ESR1: variants seen among roughly 807,000 people sequenced by gnomAD.
The protein encoded by ESR1 is estrogen receptor 1, also known as estrogen receptor.
Under a neutral mutation model 52.7 loss-of-function variants are expected in ESR1, and 12 were observed. The observed-to-expected ratio is 0.23, with a 90% CI of 0.15 to 0.37. ESR1 has a LOEUF of 0.37. Among genes scored for constraint, ESR1 ranks in the 10% least tolerant of loss-of-function variants. ESR1 has a pLI of 1.00. For synonymous variants in ESR1, 305 were observed against 316.8 expected (o/e 0.96, Z 0.39); for missense variants, 584 against 779.7 (o/e 0.75, Z 2.99).
chr6:151,862,262 A>G (rs1052086142), intron 2 of ESR1, among the ~76,000 whole-genome samples: 1 of 152,192 alleles, frequency 6.6e-6, no homozygotes, highest in African/African-American at 2.4e-5. Flanking sequence ...CCTGACTCTT[A>G]ACCATTGTGT....
downstream of ESR1, among the ~76,000 whole-genome samples, chr6:152,104,446 T>C (rs1344378041): frequency 6.6e-6 from 1 of 152,242 alleles, no homozygotes; most frequent in Non-Finnish European, 1.5e-5. Flanking sequence ...TAGCTATTTT[T>C]ATCACAATTA....
intron 2 of ESR1, among the ~76,000 whole-genome samples, chr6:151,846,020 T>C (rs950562658): frequency 2.6e-5 from 4 of 152,116 alleles, no homozygotes; most frequent in Non-Finnish European, 4.4e-5. Flanking sequence ...GTGAAGGCAG[T>C]GTCTTATAGG....
chr6:152,109,411 AT>A (rs1417925268), intron 6 of ESR1, among the ~76,000 whole-genome samples: 9 of 152,076 alleles, frequency 5.9e-5, no homozygotes, highest in African/African-American at 2.2e-4. Flanking sequence ...TACACCTGTA[AT>A]CCCAGCACTT....
intron 3 of ESR1, among the ~76,000 whole-genome samples, chr6:151,903,465 A>G (rs746765139): frequency 1.3e-5 from 2 of 152,218 alleles, no homozygotes; most frequent in Non-Finnish European, 2.9e-5. Context: ...TGGTTTGAAC[A>G]TATACTTTGG....
chr6:151,694,702 G>A (rs1201484753), intron 1 of ESR1, among the ~76,000 whole-genome samples: 5 of 151,742 alleles, frequency 3.3e-5, no homozygotes, highest in African/African-American at 7.3e-5. Flanking sequence ...CTGGAGAATC[G>A]CTTGAACCCG....
intron 5 of ESR1, among the ~76,000 whole-genome samples, chr6:152,059,370 A>T (rs1370971280): frequency 6.6e-6 from 1 of 151,966 alleles, no homozygotes; most frequent in African/African-American, 2.4e-5. Flanking sequence ...TTCTAGAGGA[A>T]TAAATGAAAC....
chr6:152,116,990 G>A (rs1340062257), intron 6 of ESR1, among the ~76,000 whole-genome samples: 2 of 152,154 alleles, frequency 1.3e-5, no homozygotes, highest in Non-Finnish European at 2.9e-5. Context: ...GAGAGTTAAA[G>A]GGCCCAAAGA....
At chr6:151,725,729 G>T (rs1339526775) in intron 2 of ESR1, among the ~76,000 whole-genome samples, 1 of 152,192 alleles carries the variant, frequency 6.6e-6, no homozygotes, top group Non-Finnish European at 1.5e-5. Flanking sequence ...TCTACATGAA[G>T]GGCATTACCA....
intron 1 of ESR1, among the ~76,000 whole-genome samples, chr6:151,838,970 A>G (rs1783841978): frequency 6.6e-6 from 1 of 152,196 alleles, no homozygotes; most frequent in Admixed American, 6.5e-5. Flanking sequence ...TATTTATAAA[A>G]ATAGTATTTA....
At chr6:152,054,467 C>G (rs892184802) in intron 5 of ESR1, among the ~76,000 whole-genome samples, 3 of 151,970 alleles carry the variant, frequency 2.0e-5, no homozygotes, top group Non-Finnish European at 2.9e-5. Flanking sequence ...CTTCTCTCCC[C>G]CTCCTCCTAC....
intron 1 of ESR1, among the ~76,000 whole-genome samples, chr6:151,680,918 A>C (rs1436811249): frequency 1.3e-5 from 2 of 152,084 alleles, no homozygotes; most frequent in East Asian, 3.9e-4. Flanking sequence ...GCCTTGCTCC[A>C]CTGGGATGAA....
downstream of ESR1, among the ~76,000 whole-genome samples, chr6:152,104,124 T>G (rs1009514799): frequency 1.3e-5 from 2 of 151,886 alleles, no homozygotes; most frequent in Non-Finnish European, 2.9e-5. Flanking sequence ...ATGGAGAGTA[T>G]GGAAGGACCG....
In ESR1 at chr6:151,709,048, G is replaced by T. The variant is rs117299414; in HGVS notation, c.-71+7043G>T. Among the ~76,000 whole-genome samples, 440 of 152,254 alleles carry T rather than the reference G, an allele frequency of 2.9e-3. 5 individuals are homozygous for T. The highest frequency in any genetic ancestry group is 0.019 in the East Asian group (97 of 5,178). ...TTAACTATAGTCACCATGTTGTACA[G>T]TGGATCTCTTGCACTTACTTTTCCG... On this transcript the variant is annotated intron_variant, in intron 2 of 2. Coordinates refer to the ESR1 transcript ENST00000404742.
intron 5 of ESR1, among the ~76,000 whole-genome samples, chr6:152,025,912 C>T (rs902589427): frequency 3.9e-5 from 6 of 151,938 alleles, no homozygotes; most frequent in South Asian, 2.1e-4. Flanking sequence ...ATATATCTTA[C>T]TTTCATTATT....
intron 2 of ESR1, among the ~76,000 whole-genome samples, chr6:151,764,893 C>CT (rs979869774): frequency 3.9e-5 from 6 of 151,914 alleles, no homozygotes; most frequent in Admixed American, 1.3e-4. Flanking sequence ...ATATTTACTT[C>CT]TTTTTTTTGA....
At chr6:151,988,733 T>C (rs2040743406) in intron 4 of ESR1, among the ~76,000 whole-genome samples, 1 of 152,078 alleles carries the variant, frequency 6.6e-6, no homozygotes, top group African/African-American at 2.4e-5. Flanking sequence ...TTAAAATAAA[T>C]GTTAAAAAAT....
chr6:151,745,167 C>T (rs555784290), intron 2 of ESR1, among the ~76,000 whole-genome samples: 12 of 152,250 alleles, frequency 7.9e-5, no homozygotes, highest in African/African-American at 2.4e-4. Flanking sequence ...AAATATTCAA[C>T]ATAAAATTCC....
intron 2 of ESR1, among the ~76,000 whole-genome samples, chr6:151,741,590 T>C (rs1783101096): frequency 1.3e-5 from 2 of 152,194 alleles, no homozygotes; most frequent in Admixed American, 6.5e-5. Flanking sequence ...TCCAGCTTTA[T>C]TGAGGTATAA....
At chr6:152,048,167 G>A (rs185192861) in intron 5 of ESR1, among the ~76,000 whole-genome samples, 26 of 151,602 alleles carry the variant, frequency 1.7e-4, no homozygotes, top group African/African-American at 5.8e-4. Context: ...TCAAGAGATC[G>A]AGACCATCCT....
Sources: gnomAD v4.1 joint callset for allele counts (sites outside exome capture counted in the v4.1 genomes callset) on GRCh38, gnomAD v4.1.1 for gene constraint, MANE v1.5 for transcripts, NCBI Gene and HGNC (gene_info 2026-07-23, HGNC 2026-07-21) for gene names.